SPOCK1: variants seen among roughly 807,000 people sequenced by gnomAD.
SPOCK1 encodes SPARC (osteonectin), cwcv and kazal like domains proteoglycan 1.
SPOCK1 carries 23 observed loss-of-function variants against 55.3 expected under a neutral mutation model. That is an observed-to-expected ratio of 0.42 (90% confidence interval 0.30 to 0.59). The LOEUF (loss-of-function observed/expected upper bound fraction) is 0.59, where lower values mean the gene tolerates loss of function less well. Ranked by LOEUF, SPOCK1 falls within the 20% of genes least tolerant of loss-of-function variation. SPOCK1 has a pLI of 0.22. For synonymous variants in SPOCK1, 226 were observed against 221.0 expected, an observed-to-expected ratio of 1.02 and a Z score of -0.20; for missense variants, 499 against 552.5, an observed-to-expected ratio of 0.90 and a Z score of 0.97.
At chr5:137,274,013 G>A (rs949007676) in intron 2 of SPOCK1, among the ~76,000 whole-genome samples, 1 of 152,160 alleles carries the variant, frequency 6.6e-6, no homozygotes, top group African/African-American at 2.4e-5. Context: ...GTCTGTCCTG[G>A]TCAGTCCATC....
intron 3 of SPOCK1, among the ~76,000 whole-genome samples, chr5:137,236,146 G>A (rs1756175991): frequency 6.6e-6 from 1 of 152,208 alleles, no homozygotes; most frequent in African/African-American, 2.4e-5. Flanking sequence ...TGCCCAAATG[G>A]CCCTGAGCCA....
chr5:137,390,820 C>A (rs1228869723), intron 2 of SPOCK1, among the ~76,000 whole-genome samples: 4 of 152,146 alleles, frequency 2.6e-5, no homozygotes, highest in Non-Finnish European at 4.4e-5. Flanking sequence ...CCAAGGCCTG[C>A]AGTTAGGGAG....
rs141047471 is a variant in SPOCK1 at position 137,228,104 on chromosome 5, T to A, written c.232+38906A>T. On this transcript the variant is annotated intron_variant, in intron 3 of 10. Transcript: ENST00000394945. ...TACAGGGCTTTCTGACCAATGCCAG[T>A]TGATCTGAGCATCCCTGAATGACTT... Among the ~76,000 whole-genome samples, 1,420 of 152,366 alleles carry A rather than the reference T, an allele frequency of 9.3e-3. 17 individuals carry two copies. The highest frequency in any genetic ancestry group is 0.032 in the African/African-American group (1,315 of 41,598).
intron 4 of SPOCK1, among the ~76,000 whole-genome samples, chr5:137,133,177 G>A (rs1580768429): frequency 6.6e-6 from 1 of 152,134 alleles, no homozygotes; most frequent in African/African-American, 2.4e-5. Context: ...AGACCATCCT[G>A]GCTAACACAG....
chr5:137,115,134 G>A (rs1160190534), intron 4 of SPOCK1, among the ~76,000 whole-genome samples: 1 of 152,036 alleles, frequency 6.6e-6, no homozygotes, highest in Non-Finnish European at 1.5e-5. Flanking sequence ...CCTATCAGAG[G>A]GCCTGGTGCA....
chr5:137,079,208 C>T (rs1434915432), intron 5 of SPOCK1, among the ~76,000 whole-genome samples: 2 of 152,226 alleles, frequency 1.3e-5, no homozygotes, highest in East Asian at 3.9e-4. Flanking sequence ...GCCTGTCTCT[C>T]TTATGAGTTC....
At chr5:137,107,059 G>A (rs1385109904) in intron 5 of SPOCK1, among the ~76,000 whole-genome samples, 1 of 152,162 alleles carries the variant, frequency 6.6e-6, no homozygotes, top group Admixed American at 6.5e-5. Flanking sequence ...CAAGAAGACT[G>A]CTTACACCTC....
chr5:137,379,628 C>A (rs1382147159), intron 2 of SPOCK1, among the ~76,000 whole-genome samples: 3 of 143,414 alleles, frequency 2.1e-5, no homozygotes, highest in East Asian at 2.2e-4. Flanking sequence ...AAAAATCACA[C>A]AAGACAAGTC....
At chr5:137,094,684 G>C (rs1398078787) in intron 5 of SPOCK1, among the ~76,000 whole-genome samples, 1 of 152,230 alleles carries the variant, frequency 6.6e-6, no homozygotes, top group African/African-American at 2.4e-5. Context: ...GGTGGTGGCT[G>C]CTGAAGATTA....
At position 137,418,715 on chromosome 5, in the gene SPOCK1, G is replaced by A. The variant is rs181367955; in HGVS notation, c.186+79658C>T. ...TCTGGATATTAGCCCTTTGTCAGAT[G>A]AGCAGATTGCAAAAATTTTCTCCCA... On this transcript the variant is annotated intron_variant, in intron 2 of 10. Transcript: ENST00000394945. Among the ~76,000 whole-genome samples the A allele has an allele frequency of 5.2e-3, 789 of 152,210 alleles. 7 individuals are homozygous for A. The highest frequency in any genetic ancestry group is 0.01 in the Middle Eastern group (3 of 294).
chr5:137,254,149 C>A (rs1318219762), intron 3 of SPOCK1, among the ~76,000 whole-genome samples: 4 of 152,292 alleles, frequency 2.6e-5, no homozygotes, highest in East Asian at 3.9e-4. Flanking sequence ...AGATGCCTGA[C>A]AACATTTACA....
At chr5:137,305,601 T>C (rs1190191216) in intron 2 of SPOCK1, among the ~76,000 whole-genome samples, 1 of 151,934 alleles carries the variant, frequency 6.6e-6, no homozygotes, top group Non-Finnish European at 1.5e-5. Flanking sequence ...ATTCTTAACA[T>C]TTAATCTACA....
intron 3 of SPOCK1, among the ~76,000 whole-genome samples, chr5:137,216,325 T>A (rs1434295465): frequency 6.6e-6 from 1 of 152,168 alleles, no homozygotes; most frequent in Admixed American, 6.5e-5. Flanking sequence ...CAGTTCAACA[T>A]CCAGACATTT....
chr5:137,477,157 T>A (rs1270833119), intron 2 of SPOCK1, among the ~76,000 whole-genome samples: 1 of 152,202 alleles, frequency 6.6e-6, no homozygotes. Context: ...ATGCTCAAAG[T>A]ATATGCCATG....
At chr5:137,215,863 A>G in intron 3 of SPOCK1, among the ~76,000 whole-genome samples, 1 of 152,222 alleles carries the variant, frequency 6.6e-6, no homozygotes, top group South Asian at 2.1e-4. Context: ...TATGCCAGTT[A>G]AAGTTCTTAG....
At chr5:137,055,781 G>A (rs915592706) in intron 6 of SPOCK1, among the ~76,000 whole-genome samples, 9 of 152,170 alleles carry the variant, frequency 5.9e-5, no homozygotes, top group Admixed American at 1.3e-4. Flanking sequence ...AGGGAGGTGG[G>A]CTGTAGGGAA....
chr5:137,280,327 T>C (rs1757143476), intron 2 of SPOCK1, among the ~76,000 whole-genome samples: 1 of 152,206 alleles, frequency 6.6e-6, no homozygotes, highest in South Asian at 2.1e-4. Flanking sequence ...GGGGAAACAA[T>C]AGGAATGTTA....
chr5:137,275,875 C>G (rs189452676), intron 2 of SPOCK1, among the ~76,000 whole-genome samples: 1 of 152,218 alleles, frequency 6.6e-6, no homozygotes. Flanking sequence ...CACTTGCACT[C>G]CTGGGTCTCT....
At chr5:137,341,622 T>C (rs1750425270) in intron 2 of SPOCK1, among the ~76,000 whole-genome samples, 1 of 152,252 alleles carries the variant, frequency 6.6e-6, no homozygotes, top group Admixed American at 6.5e-5. Context: ...ATTTGTTCCA[T>C]GAGTTTTTAC....
Sources: gnomAD v4.1 joint callset for allele counts (sites outside exome capture counted in the v4.1 genomes callset) on GRCh38, gnomAD v4.1.1 for gene constraint, MANE v1.5 for transcripts, NCBI Gene and HGNC (gene_info 2026-07-23, HGNC 2026-07-21) for gene names.